Variants in KIAA1143 observed in about 807,000 individuals in gnomAD.
KIAA1143 encodes uncharacterized protein KIAA1143.
Under a neutral mutation model 17.0 loss-of-function variants are expected in KIAA1143, and 8 were observed. The ratio of observed to expected loss-of-function variants is 0.47; its 90% confidence interval spans 0.28 to 0.85. The LOEUF is 0.85. Ranked by LOEUF, KIAA1143 falls within the 40% of genes least tolerant of loss-of-function variation. The probability of loss-of-function intolerance (pLI) is 0.12; values close to 1 mark genes in which losing one functional copy is unlikely to be tolerated. For missense variants in KIAA1143, 162 were observed against 183.3 expected, an observed-to-expected ratio of 0.88 and a Z score of 0.67; for synonymous variants, 64 against 67.8, an observed-to-expected ratio of 0.94 and a Z score of 0.27.
intron 1 of KIAA1143, among the ~76,000 whole-genome samples, chr3:44,758,618 T>G (rs546441268): frequency 2.8e-4 from 42 of 152,314 alleles, no homozygotes; most frequent in African/African-American, 7.7e-4. Flanking sequence ...TTTTGCTTGT[T>G]CTACCACACC....
At chr3:44,755,363 G>A (rs999257670) in intron 1 of KIAA1143, among the ~76,000 whole-genome samples, 6 of 152,074 alleles carry the variant, frequency 3.9e-5, no homozygotes, top group African/African-American at 1.2e-4. Context: ...TGAAAGGTAT[G>A]CATACCAAAA....
chr3:44,760,268 G>C (rs940087237), intron 1 of KIAA1143, among the ~76,000 whole-genome samples: 5 of 152,172 alleles, frequency 3.3e-5, no homozygotes, highest in Non-Finnish European at 7.3e-5. Flanking sequence ...TTGCTTTCTT[G>C]TCATTCATGT....
In KIAA1143 at chr3:44,759,894, C is replaced by CAAAAAAAAAAAAAAAAAAA. The variant is rs527806223; in HGVS notation, c.108+1582_108+1600dup. ...TGGGCGACAGAGTGAGACCCTATCTCAAAAAAAAAAAAAAAAAAAAAGTCC... is the reference window on the plus strand; with the variant it reads ...TGGGCGACAGAGTGAGACCCTATCTCAAAAAAAAAAAAAAAAAAAAAAAAAAAAAAAAAAAAAAAAGTCC... On this transcript the variant is annotated intron_variant, in intron 1 of 2. Coordinates refer to ENST00000296121, the MANE Select transcript of KIAA1143 (RefSeq NM_020696.4). Among the ~76,000 whole-genome samples, 18 of 51,098 alleles carry CAAAAAAAAAAAAAAAAAAA rather than the reference C, an allele frequency of 3.5e-4. 1 individual carries two copies. The highest frequency in any genetic ancestry group is 4.4e-4 in the Non-Finnish European group (12 of 27,362). The allele number at this position is 51,098 out of a possible 152,430, so 33.5% of individuals were successfully genotyped here.
At chr3:44,755,836 C>T (rs1388627118) in intron 1 of KIAA1143, among the ~76,000 whole-genome samples, 1 of 152,216 alleles carries the variant, frequency 6.6e-6, no homozygotes, top group African/African-American at 2.4e-5. Flanking sequence ...CAGGGACTTC[C>T]AGAAATATTT....
At position 44,754,232 on chromosome 3, in the gene KIAA1143, G is replaced by C; in HGVS notation, c.245C>G (p.Ala82Gly). 1.9e-6 allele frequency: 3 copies of C among 1,613,028 alleles called. No homozygotes were observed. Among genetic ancestry groups the C allele is most frequent in the Non-Finnish European group, 8.5e-7 (1 of 1,179,880 alleles). ...VMKIKAEIKA[A>G]KADEEPTPAD... ...ATTACTTTTAGACCTACCTGCTTTGGCAGCCTTTATTTCTGCTTTAATTTT... is the reference window on the plus strand; with the variant it reads ...ATTACTTTTAGACCTACCTGCTTTGCCAGCCTTTATTTCTGCTTTAATTTT... Residue 82 changes from alanine (A) to glycine (G), a missense_variant, in exon 2 of 3, where the codon GCC becomes GGC. Physicochemically the swap from Ala to Gly is moderately conservative, Grantham distance 60. This residue lies in a region of KIAA1143 where 137 missense variants were observed against 132.5 expected (regional missense o/e 1.03). Transcript: ENST00000296121.
At chr3:44,760,106 C>G (rs999461644) in intron 1 of KIAA1143, among the ~76,000 whole-genome samples, 4 of 152,130 alleles carry the variant, frequency 2.6e-5, no homozygotes, top group Non-Finnish European at 4.4e-5. Context: ...TCACACTTTT[C>G]TTCTGCAGCT....
Position 44,750,342 on chromosome 3 carries a change from G to A in KIAA1143, c.*2999C>T, listed in dbSNP as rs1274681941. ...GAAACATTGTCAAGTGTGAGGTGGT[G>A]TTTAGCTTCCTTTGGGTTATACTGA... On this transcript the variant is annotated 3_prime_UTR_variant, in exon 3 of 3. Transcript: ENST00000296121. 2.0e-5 allele frequency: 3 copies of A among 152,186 alleles called. No individual in the cohort carries two copies. The highest frequency in any genetic ancestry group is 2.9e-5 in the Non-Finnish European group (2 of 68,044). 9.4% of individuals were successfully genotyped at this position (152,186 alleles called of 1,614,324 possible). A position where few individuals can be genotyped will look rare whatever the true frequency, so the allele number is the denominator to read the frequency against.
intron 2 of KIAA1143, 40 bp downstream of exon 2, chr3:44,754,184 C>T: frequency 6.2e-7 from 1 of 1,600,130 alleles, no homozygotes; most frequent in African/African-American, 1.3e-5. Flanking sequence ...ACCCTGGGCT[C>T]CTTAAATTGT....
At position 44,754,252 on chromosome 3, in the gene KIAA1143, A is replaced by C; in HGVS notation, c.225T>G (p.Ile75Met). 1 of 1,613,862 alleles carries C rather than the reference A, an allele frequency of 6.2e-7. No individual in the cohort carries two copies. The highest frequency in any genetic ancestry group is 1.3e-5 in the African/African-American group (1 of 75,056). The part of the protein sequence containing the change: ...GDLSVEEVMK[I>M]KAEIKAAKAD... ...CTTTGGCAGCCTTTATTTCTGCTTT[A>C]ATTTTCATGACTTCTTCAACTGACA... The change falls in exon 2 of 3, where the codon ATT (isoleucine) becomes ATG (methionine). Residue 75 changes from isoleucine (I) to methionine (M), a missense_variant. Ile to Met is a conservative substitution (Grantham distance 10). Transcript: ENST00000296121.
intron 1 of KIAA1143, among the ~76,000 whole-genome samples, chr3:44,757,363 T>C (rs1704989323): frequency 6.6e-6 from 1 of 152,172 alleles, no homozygotes; most frequent in South Asian, 2.1e-4. Context: ...CACTAGCCCC[T>C]CTAACACTTC....
At chr3:44,760,595 T>C (rs1705075583) in intron 1 of KIAA1143, among the ~76,000 whole-genome samples, 1 of 151,942 alleles carries the variant, frequency 6.6e-6, no homozygotes, top group Non-Finnish European at 1.5e-5. Context: ...TTCACTGTTT[T>C]AGCCAGGATG....
intron 1 of KIAA1143, among the ~76,000 whole-genome samples, chr3:44,757,318 T>C (rs1321179285): frequency 6.6e-6 from 1 of 152,206 alleles, no homozygotes; most frequent in Non-Finnish European, 1.5e-5. Context: ...AATGGCTCCC[T>C]GTTGCTTACT....
Sources: gnomAD v4.1 joint callset for allele counts (sites outside exome capture counted in the v4.1 genomes callset) on GRCh38, gnomAD v4.1.1 for gene constraint, gnomAD v4.1.1 regional missense constraint, MANE v1.5 for transcripts, NCBI Gene and HGNC (gene_info 2026-07-23, HGNC 2026-07-21) for gene names.